The following KLF12 variants were observed in gnomAD, a reference collection of about 807,000 sequenced individuals.
KLF12 encodes the protein KLF transcription factor 12, also known as Krueppel-like factor 12.
Under a neutral mutation model 37.8 loss-of-function variants are expected in KLF12, and 9 were observed. The observed-to-expected ratio is 0.24, with a 90% confidence interval of 0.14 to 0.42. KLF12 has a LOEUF of 0.42. KLF12 is among the 10% of genes least tolerant of loss of function. The pLI is 1.00. For synonymous variants in KLF12, 208 were observed against 202.1 expected (o/e 1.03, Z -0.25); for missense variants, 411 against 516.0 (o/e 0.80, Z 1.97).
At chr13:74,281,853 A>C in the KLF12 span, among the ~76,000 whole-genome samples, 1 of 152,230 alleles carries the variant, frequency 6.6e-6, no homozygotes, top group Non-Finnish European at 1.5e-5. Flanking sequence ...CATTTTCTTC[A>C]GGTAGATGTA....
In KLF12 at chr13:73,691,202, T is replaced by C. The variant is rs1376328561; in HGVS notation, c.*4288A>G. ...ATACAGTTGTGTACACACATGTGCA[T>C]GTGTTGGGGCTGTCTGTACAGGTTA... On this transcript the variant is annotated 3_prime_UTR_variant, in exon 8 of 8. Transcript: ENST00000377669. 6.6e-6 allele frequency: 1 copy of C among 152,652 alleles called. No individual in the cohort carries two copies. The highest frequency in any genetic ancestry group is 1.9e-4 in the East Asian group (1 of 5,200). 9.5% of individuals were successfully genotyped at this position (152,652 alleles called of 1,614,324 possible). A position where few individuals can be genotyped will look rare whatever the true frequency, so the allele number is the denominator to read the frequency against.
chr13:73,829,650 A>C (rs1042866610), intron 4 of KLF12, among the ~76,000 whole-genome samples: 49 of 152,190 alleles, frequency 3.2e-4, no homozygotes, highest in African/African-American at 1.1e-3. Context: ...GCATTCTGAA[A>C]CTTACAAATA....
intron 4 of KLF12, among the ~76,000 whole-genome samples, chr13:73,821,983 T>C (rs1883551777): frequency 6.6e-6 from 1 of 152,200 alleles, no homozygotes; most frequent in Non-Finnish European, 1.5e-5. Flanking sequence ...CATACACTTA[T>C]TTTGTTTCTC....
intron 1 of KLF12, among the ~76,000 whole-genome samples, chr13:74,106,085 T>C (rs1341260548): frequency 6.6e-6 from 1 of 152,210 alleles, no homozygotes; most frequent in Non-Finnish European, 1.5e-5. Context: ...TATAAAGCAC[T>C]GTGACTGTCC....
rs551198378 is a variant in KLF12, at chr13:74,115,463, G to C, written c.-32+18276C>G. 3.3e-5 allele frequency among the ~76,000 whole-genome samples: 5 copies of C among 152,248 alleles called. No individual in the cohort carries two copies. In the South Asian group the frequency reaches 8.3e-4, roughly 25 times the overall value. On this transcript the variant is annotated intron_variant, in intron 1 of 7. Transcript: ENST00000377669. ...TTCACTCCTGTAATCCCAGCACTTT[G>C]GGAGGCTGAAGCAGGTGGATCACCT... is the stretch of plus-strand genomic sequence containing the variant.
At chr13:73,733,066 C>A (rs1477243465) in intron 6 of KLF12, among the ~76,000 whole-genome samples, 1 of 152,166 alleles carries the variant, frequency 6.6e-6, no homozygotes, top group Non-Finnish European at 1.5e-5. Context: ...TATCTGGCTA[C>A]CTGCTATAGG....
At chr13:73,752,679 A>G (rs1203470563) in intron 6 of KLF12, among the ~76,000 whole-genome samples, 1 of 150,838 alleles carries the variant, frequency 6.6e-6, no homozygotes, top group Non-Finnish European at 1.5e-5. Context: ...CTTTCTCCTC[A>G]GCCACAGCCT....
chr13:74,201,588 A>G, the KLF12 span, among the ~76,000 whole-genome samples: 1 of 152,112 alleles, frequency 6.6e-6, no homozygotes, highest in Admixed American at 6.6e-5. Flanking sequence ...TCTGATTTTG[A>G]ATATCACTGG....
At chr13:74,169,629 T>A in the KLF12 span, among the ~76,000 whole-genome samples, 1 of 152,238 alleles carries the variant, frequency 6.6e-6, no homozygotes, top group South Asian at 2.1e-4. Context: ...TGCCCTTGGA[T>A]AACTTTTTGA....
chr13:74,243,113 C>G, the KLF12 span, among the ~76,000 whole-genome samples: 2 of 152,104 alleles, frequency 1.3e-5, no homozygotes, highest in African/African-American at 4.8e-5. Flanking sequence ...CCTTGTCCCC[C>G]ACCCCTGACA....
intron 2 of KLF12, among the ~76,000 whole-genome samples, chr13:73,968,594 T>C (rs993194012): frequency 1.1e-4 from 17 of 152,208 alleles, no homozygotes; most frequent in Non-Finnish European, 8.8e-5. Flanking sequence ...TCTTGGGACT[T>C]TGACTTATTC....
intron 1 of KLF12, among the ~76,000 whole-genome samples, chr13:74,089,845 T>TA (rs1347053544): frequency 6.8e-6 from 1 of 146,668 alleles, no homozygotes; most frequent in Non-Finnish European, 1.5e-5. Flanking sequence ...GTATCATACT[T>TA]AAAGGTGAAA....
At chr13:73,741,870 C>T (rs990661193) in intron 6 of KLF12, among the ~76,000 whole-genome samples, 6 of 152,216 alleles carry the variant, frequency 3.9e-5, no homozygotes, top group Non-Finnish European at 7.3e-5. Flanking sequence ...TTATTGAGCA[C>T]TTATGTGCAG....
At chr13:73,987,940 C>G (rs1017801720) in intron 2 of KLF12, among the ~76,000 whole-genome samples, 2 of 151,780 alleles carry the variant, frequency 1.3e-5, no homozygotes, top group Non-Finnish European at 2.9e-5. Flanking sequence ...AAGAAATAAG[C>G]CTCAACAGAT....
At chr13:73,881,754 CA>C (rs1886993193) in intron 3 of KLF12, among the ~76,000 whole-genome samples, 1 of 152,066 alleles carries the variant, frequency 6.6e-6, no homozygotes. Flanking sequence ...AAACTTAAAA[CA>C]ATTCTCCACT....
intron 5 of KLF12, among the ~76,000 whole-genome samples, chr13:73,788,111 TTC>T (rs1427814899): frequency 6.6e-6 from 1 of 152,210 alleles, no homozygotes; most frequent in Non-Finnish European, 1.5e-5. Context: ...CTTTGATGAC[TTC>T]TTTCCCTATT....
chr13:73,987,928 AAAAG>A (rs1295397911), intron 2 of KLF12, among the ~76,000 whole-genome samples: 2 of 151,872 alleles, frequency 1.3e-5, no homozygotes, highest in Admixed American at 6.6e-5. Context: ...GGAAGGTAGA[AAAAG>A]AAATAAGCCT....
At chr13:73,721,530 A>G (rs1284365643) in intron 6 of KLF12, among the ~76,000 whole-genome samples, 3 of 152,158 alleles carry the variant, frequency 2.0e-5, no homozygotes, top group African/African-American at 7.2e-5. Flanking sequence ...TCTACCAAAG[A>G]AAGTATTTTC....
chr13:74,223,166 G>A, the KLF12 span, among the ~76,000 whole-genome samples: 402 of 152,302 alleles, frequency 2.6e-3, 2 homozygotes, highest in Middle Eastern at 6.8e-3. Context: ...GATGGAAAAC[G>A]GGGAGGAAGG....
Sources: gnomAD v4.1 joint callset for allele counts (sites outside exome capture counted in the v4.1 genomes callset) on GRCh38, gnomAD v4.1.1 for gene constraint, MANE v1.5 for transcripts, NCBI Gene and HGNC (gene_info 2026-07-23, HGNC 2026-07-21) for gene names.